ITPR2: variants seen among roughly 807,000 people sequenced by gnomAD.
ITPR2 encodes inositol 1,4,5-trisphosphate-gated calcium channel ITPR2.
In ITPR2, 207 loss-of-function variants were observed where a neutral mutation model predicts 317.1. That is an observed-to-expected ratio of 0.65 (90% CI 0.58 to 0.73). The LOEUF is 0.73. Among genes scored for constraint, ITPR2 ranks in the 30% least tolerant of loss-of-function variants. The probability of loss-of-function intolerance (pLI) is 0.00; values close to 1 mark genes in which losing one functional copy is unlikely to be tolerated. For synonymous variants in ITPR2, 1,156 were observed against 1,149.1 expected (o/e 1.01, Z -0.12); for missense variants, 2,613 against 3,284.0 (o/e 0.80, Z 4.99).
At chr12:26,824,735 T>C (rs1950986043) in intron 1 of ITPR2, among the ~76,000 whole-genome samples, 1 of 152,196 alleles carries the variant, frequency 6.6e-6, no homozygotes, top group Non-Finnish European at 1.5e-5. Flanking sequence ...ATTAAAATCA[T>C]CTACATACTC....
At chr12:26,494,919 A>G (rs1319800184) in intron 38 of ITPR2, among the ~76,000 whole-genome samples, 1 of 152,038 alleles carries the variant, frequency 6.6e-6, no homozygotes, top group East Asian at 1.9e-4. Context: ...TCCTTAATTT[A>G]TACATTAAGA....
intron 15 of ITPR2, among the ~76,000 whole-genome samples, chr12:26,662,101 A>T (rs1307282889): frequency 1.3e-5 from 2 of 152,182 alleles, no homozygotes; most frequent in African/African-American, 4.8e-5. Context: ...TTTATCTTCT[A>T]GCTAATGTTT....
rs67842212 is a variant in ITPR2 at position 26,336,980 on chromosome 12, G to GTTTTTTTTTTTTTTTTTTT, written c.*2416_*2417insAAAAAAAAAAAAAAAAAAA. On this transcript the variant is annotated 3_prime_UTR_variant, in exon 57 of 57. Coordinates refer to ENST00000381340, the MANE Select transcript of ITPR2 (RefSeq NM_002223.4). ...TTGTCTGCTTCGATTTTTTGTTGCT[G>GTTTTTTTTTTTTTTTTTTT]TTTTTTTTTTTTTTGCTTTATAATT... 2 of 137,266 alleles carry GTTTTTTTTTTTTTTTTTTT rather than the reference G, an allele frequency of 1.5e-5. No homozygotes were observed. The highest frequency in any genetic ancestry group is 3.1e-5 in the Non-Finnish European group (2 of 64,150). 8.5% of individuals were successfully genotyped at this position (137,266 alleles called of 1,614,324 possible).
chr12:26,412,013 C>G (rs1940565921), intron 51 of ITPR2, among the ~76,000 whole-genome samples: 1 of 152,146 alleles, frequency 6.6e-6, no homozygotes, highest in Non-Finnish European at 1.5e-5. Context: ...AAATAGTAAC[C>G]CTCCTATTTG....
intron 35 of ITPR2, among the ~76,000 whole-genome samples, chr12:26,557,089 A>G (rs1944683944): frequency 6.6e-6 from 1 of 152,208 alleles, no homozygotes; most frequent in Non-Finnish European, 1.5e-5. Flanking sequence ...AAATTGAAAA[A>G]AAAAAAATTC....
chr12:26,772,290 T>C (rs1012241008), intron 2 of ITPR2, among the ~76,000 whole-genome samples: 1 of 151,086 alleles, frequency 6.6e-6, no homozygotes, highest in African/African-American at 2.4e-5. Flanking sequence ...ATTAAGAAGC[T>C]TTCCTCATCA....
chr12:26,664,585 G>A (rs753870820), intron 14 of ITPR2, among the ~76,000 whole-genome samples: 12 of 152,152 alleles, frequency 7.9e-5, no homozygotes, highest in Non-Finnish European at 1.6e-4. Flanking sequence ...TCAAGGGCAT[G>A]AACATTAATA....
At chr12:26,684,638 C>T (rs1463460238) in intron 11 of ITPR2, among the ~76,000 whole-genome samples, 1 of 152,120 alleles carries the variant, frequency 6.6e-6, no homozygotes, top group Non-Finnish European at 1.5e-5. Context: ...CAAAATTCTG[C>T]ACTACACTGA....
intron 53 of ITPR2, 89 bp from the exon 54 acceptor site, chr12:26,399,130 G>GA: frequency 2.1e-6 from 2 of 949,138 alleles, no homozygotes; most frequent in Non-Finnish European, 2.9e-6. Context: ...AAATGTTTGT[G>GA]AAATGAATAT....
Position 26,600,228 on chromosome 12 carries a change from T to C in ITPR2, c.3679-119A>G, listed in dbSNP as rs1945962929. On this transcript the variant is annotated intron_variant, in intron 28 of 56. Coordinates refer to ENST00000381340, the MANE Select transcript of ITPR2 (RefSeq NM_002223.4). ...CTCTGCCCATCTTTGATCTCCTTTC[T>C]CTGTGTCCTTTATGTTTCACACCTC... 10 of 778,754 alleles carry C rather than the reference T, an allele frequency of 1.3e-5. No homozygotes were observed. The East Asian group carries it at 2.4e-4, about 19-fold the overall frequency. The allele number at this position is 778,754 out of a possible 1,614,324, so 48.2% of individuals were successfully genotyped here. A position where few individuals can be genotyped will look rare whatever the true frequency, so the allele number is the denominator to read the frequency against.
chr12:26,820,043 C>T (rs1008014176), intron 1 of ITPR2, among the ~76,000 whole-genome samples: 3 of 152,198 alleles, frequency 2.0e-5, no homozygotes, highest in African/African-American at 7.2e-5. Context: ...TGCACTCCAG[C>T]CTGGGTGACA....
At chr12:26,698,025 G>A (rs1034172374) in intron 9 of ITPR2, among the ~76,000 whole-genome samples, 2 of 152,090 alleles carry the variant, frequency 1.3e-5, no homozygotes, top group African/African-American at 2.4e-5. Context: ...ATGATAATTA[G>A]AAAAAGAAAA....
chr12:26,574,585 A>C (rs1945232819), intron 34 of ITPR2, among the ~76,000 whole-genome samples: 1 of 152,194 alleles, frequency 6.6e-6, no homozygotes, highest in African/African-American at 2.4e-5. Flanking sequence ...GTAAGTTAGA[A>C]TGAAATTAGA....
rs184544870 is a variant in ITPR2, at chr12:26,436,501, A to T, written c.6644-155T>A. 2.6e-5 allele frequency among the ~76,000 whole-genome samples: 4 copies of T among 152,346 alleles called. No homozygotes were observed. The East Asian group carries it at 7.7e-4, about 29-fold the overall frequency. ...AATATTTGACTTGAGTAAGTTTATT[A>T]AAAACAATCAGAACCATAAAGGAGT... On this transcript the variant is annotated intron_variant, in intron 47 of 56. Coordinates refer to ENST00000381340, the MANE Select transcript of ITPR2 (RefSeq NM_002223.4).
At chr12:26,526,764 A>G (rs558072120) in intron 37 of ITPR2, among the ~76,000 whole-genome samples, 46 of 152,310 alleles carry the variant, frequency 3.0e-4, no homozygotes, top group Non-Finnish European at 2.6e-4. Context: ...CAGGGCAGAT[A>G]GGCAGCTGGG....
At chr12:26,703,306 T>C (rs1948487497) in intron 9 of ITPR2, among the ~76,000 whole-genome samples, 1 of 152,222 alleles carries the variant, frequency 6.6e-6, no homozygotes, top group Non-Finnish European at 1.5e-5. Context: ...GTCCCAGAGA[T>C]TGAGTTAATC....
At chr12:26,350,632 T>C (rs1478508162) in intron 55 of ITPR2, among the ~76,000 whole-genome samples, 2 of 152,016 alleles carry the variant, frequency 1.3e-5, no homozygotes, top group Non-Finnish European at 2.9e-5. Flanking sequence ...CTTAGCTTTG[T>C]TCCTGTGGTG....
chr12:26,556,933 G>A (rs1367260614), intron 35 of ITPR2, among the ~76,000 whole-genome samples: 1 of 152,018 alleles, frequency 6.6e-6, no homozygotes, highest in Non-Finnish European at 1.5e-5. Flanking sequence ...ACAAAAATCA[G>A]CCAGGCATGG....
chr12:26,516,485 TA>T (rs1943522731), intron 37 of ITPR2, among the ~76,000 whole-genome samples: 1 of 151,894 alleles, frequency 6.6e-6, no homozygotes, highest in Non-Finnish European at 1.5e-5. Context: ...AGACTTCCCA[TA>T]AATTACTGGT....
Sources: allele counts gnomAD v4.1 joint callset (sites outside exome capture counted in the v4.1 genomes callset), GRCh38; gene constraint gnomAD v4.1.1; transcripts MANE v1.5; gene names NCBI Gene and HGNC (gene_info 2026-07-23, HGNC 2026-07-21).